VWC2L: variants seen among roughly 807,000 people sequenced by gnomAD.
The protein encoded by VWC2L is von Willebrand factor C domain-containing protein 2-like.
Under a neutral mutation model 21.6 loss-of-function variants are expected in VWC2L, and 10 were observed. The ratio of observed to expected loss-of-function variants is 0.46; its 90% CI spans 0.29 to 0.78. VWC2L has a LOEUF of 0.78. Among genes scored for constraint, VWC2L ranks in the 30% least tolerant of loss-of-function variants. VWC2L has a pLI of 0.10. For synonymous variants in VWC2L, 96 were observed against 94.3 expected (o/e 1.02, Z -0.10); for missense variants, 209 against 277.1 (o/e 0.75, Z 1.74).
chr2:214,417,643 T>C (rs929191929), intron 2 of VWC2L, among the ~76,000 whole-genome samples: 5 of 152,006 alleles, frequency 3.3e-5, no homozygotes, highest in Non-Finnish European at 7.4e-5. Context: ...TAGATATGAC[T>C]AAAATGCTAT....
intron 3 of VWC2L, among the ~76,000 whole-genome samples, chr2:214,491,399 T>C: frequency 6.6e-6 from 1 of 152,276 alleles, no homozygotes; most frequent in Admixed American, 6.5e-5. Flanking sequence ...GGGTTAAATT[T>C]GGATGGAATA....
intron 3 of VWC2L, among the ~76,000 whole-genome samples, chr2:214,536,398 A>T (rs1287607447): frequency 6.6e-6 from 1 of 152,088 alleles, no homozygotes; most frequent in East Asian, 1.9e-4. Context: ...TGACATTGAA[A>T]ACACCTTGTA....
intron 3 of VWC2L, among the ~76,000 whole-genome samples, chr2:214,557,040 G>T (rs928864940): frequency 1.3e-5 from 2 of 152,184 alleles, no homozygotes; most frequent in African/African-American, 4.8e-5. Flanking sequence ...GTGCGGGGTT[G>T]GGGAGAGAGT....
intron 3 of VWC2L, among the ~76,000 whole-genome samples, chr2:214,490,833 AATT>A (rs1197423225): frequency 6.6e-6 from 1 of 152,170 alleles, no homozygotes; most frequent in Non-Finnish European, 1.5e-5. Context: ...GAAGGTAAGG[AATT>A]GGTGTCAATG....
intron 3 of VWC2L, among the ~76,000 whole-genome samples, chr2:214,544,428 G>A (rs1689673984): frequency 6.6e-6 from 1 of 152,164 alleles, no homozygotes; most frequent in African/African-American, 2.4e-5. Context: ...GGTCAACACA[G>A]CCTGTCTTCT....
chr2:214,520,269 C>A (rs1689214812), intron 3 of VWC2L, among the ~76,000 whole-genome samples: 1 of 152,142 alleles, frequency 6.6e-6, no homozygotes, highest in African/African-American at 2.4e-5. Context: ...TGGGGGTTTG[C>A]ATCATACATG....
In VWC2L at chr2:214,532,470, T is replaced by C. The variant is rs866256862; in HGVS notation, c.521-43202T>C. 2.2e-4 allele frequency among the ~76,000 whole-genome samples: 33 copies of C among 152,268 alleles called. No individual in the cohort carries two copies. The Middle Eastern group carries it at 0.017, about 78-fold the overall frequency. ...AGTAGTCTTTCCATGGAGGAGTCAA[T>C]TCTCACCTTTCTTTTTAACAGTTCG... On this transcript the variant is annotated intron_variant, in intron 3 of 3. Coordinates refer to ENST00000312504, the MANE Select transcript of VWC2L (RefSeq NM_001080500.4).
At chr2:214,552,587 T>G (rs1001848133) in intron 3 of VWC2L, among the ~76,000 whole-genome samples, 1 of 152,198 alleles carries the variant, frequency 6.6e-6, no homozygotes, top group African/African-American at 2.4e-5. Flanking sequence ...TGACTTGTGT[T>G]ATATCATCCT....
chr2:214,442,726 G>A (rs929278700), intron 3 of VWC2L, among the ~76,000 whole-genome samples: 3 of 151,702 alleles, frequency 2.0e-5, no homozygotes, highest in Non-Finnish European at 4.4e-5. Flanking sequence ...CTAGAGAAAA[G>A]GCAAGAAAAA....
At chr2:214,434,380 C>A (rs2126177879) in intron 2 of VWC2L, among the ~76,000 whole-genome samples, 1 of 152,268 alleles carries the variant, frequency 6.6e-6, no homozygotes. Context: ...CTACGGTTTT[C>A]TAACTCACAT....
At chr2:214,413,827 A>G (rs908797921) in intron 1 of VWC2L, among the ~76,000 whole-genome samples, 1 of 152,136 alleles carries the variant, frequency 6.6e-6, no homozygotes, top group African/African-American at 2.4e-5. Context: ...GCTCAGTAAA[A>G]CCATTTCTTT....
At chr2:214,437,964 TC>T (rs1426777672) in intron 3 of VWC2L, among the ~76,000 whole-genome samples, 6 of 138,048 alleles carry the variant, frequency 4.3e-5, no homozygotes, top group African/African-American at 2.1e-4. Flanking sequence ...ATCTCGCTCC[TC>T]TTTTTCTTCT....
At chr2:214,441,139 C>G (rs1308890812) in intron 3 of VWC2L, among the ~76,000 whole-genome samples, 2 of 152,014 alleles carry the variant, frequency 1.3e-5, no homozygotes, top group African/African-American at 4.8e-5. Context: ...ATAAACTAGG[C>G]AAAGGGGCAA....
At chr2:214,444,005 T>C (rs936419211) in intron 3 of VWC2L, among the ~76,000 whole-genome samples, 2 of 152,134 alleles carry the variant, frequency 1.3e-5, no homozygotes, top group African/African-American at 4.8e-5. Flanking sequence ...AACGTGCAGA[T>C]GTCAAAACAT....
At chr2:214,525,378 A>G (rs940674663) in intron 3 of VWC2L, 1 of 152,164 alleles carries the variant, frequency 6.6e-6, no homozygotes, top group African/African-American at 2.4e-5. Flanking sequence ...AAAATATTAC[A>G]TTTCACAAAA....
intron 3 of VWC2L, among the ~76,000 whole-genome samples, chr2:214,520,794 G>A (rs1689225455): frequency 6.6e-6 from 1 of 152,020 alleles, no homozygotes; most frequent in African/African-American, 2.4e-5. Context: ...CAACAATGTA[G>A]AACTATGGCC....
chr2:214,515,180 G>T (rs1422006716), intron 3 of VWC2L, among the ~76,000 whole-genome samples: 1 of 152,120 alleles, frequency 6.6e-6, no homozygotes, highest in Non-Finnish European at 1.5e-5. Context: ...TGGTATGATT[G>T]CATACTCCTT....
intron 3 of VWC2L, among the ~76,000 whole-genome samples, chr2:214,507,390 A>G (rs1688981612): frequency 6.6e-6 from 1 of 152,232 alleles, no homozygotes; most frequent in Non-Finnish European, 1.5e-5. Context: ...AATTGCATGT[A>G]TAGAATGATC....
intron 3 of VWC2L, among the ~76,000 whole-genome samples, chr2:214,529,870 G>A (rs914000592): frequency 8.5e-5 from 13 of 152,092 alleles, no homozygotes; most frequent in African/African-American, 3.1e-4. Context: ...CTCATATACT[G>A]GGTAGTTTCA....
Sources: gnomAD v4.1 joint callset for allele counts (sites outside exome capture counted in the v4.1 genomes callset) on GRCh38, gnomAD v4.1.1 for gene constraint, MANE v1.5 for transcripts, NCBI Gene and HGNC (gene_info 2026-07-23, HGNC 2026-07-21) for gene names.